The following DNAI4 variants were observed in gnomAD, a reference collection of about 807,000 sequenced individuals.
The protein encoded by DNAI4 is dynein axonemal intermediate chain 4.
Under a neutral mutation model 105.8 loss-of-function variants are expected in DNAI4, and 85 were observed. That is an observed-to-expected ratio of 0.80 (90% CI 0.67 to 0.96). DNAI4 has a LOEUF of 0.96. Ranked by LOEUF, DNAI4 falls within the 40% of genes least tolerant of loss-of-function variation. The pLI is 0.00. For synonymous variants in DNAI4, 352 were observed against 331.5 expected (o/e 1.06, Z -0.67); for missense variants, 1,014 against 1,005.6 (o/e 1.01, Z -0.11).
chr1:66,820,695 T>C (rs1286022048), intron 16 of DNAI4, among the ~76,000 whole-genome samples: 1 of 152,164 alleles, frequency 6.6e-6, no homozygotes, highest in African/African-American at 2.4e-5. Flanking sequence ...CAATTTTAAA[T>C]AAGATGATCA....
chr1:66,922,430 G>A (rs868303995), intron 1 of DNAI4, among the ~76,000 whole-genome samples: 1 of 152,224 alleles, frequency 6.6e-6, no homozygotes, highest in African/African-American at 2.4e-5. Context: ...TGTGTCTGAT[G>A]TGTTGTGGGA....
At chr1:66,908,554 GC>G (rs1349551663) in intron 1 of DNAI4, among the ~76,000 whole-genome samples, 2 of 152,146 alleles carry the variant, frequency 1.3e-5, no homozygotes, top group Admixed American at 6.5e-5. Flanking sequence ...GGTGTGGTGG[GC>G]CCCCTCTTCC....
intron 16 of DNAI4, among the ~76,000 whole-genome samples, chr1:66,820,674 AGTAGAGGTT>A (rs564882918): frequency 5.3e-4 from 81 of 152,298 alleles, no homozygotes; most frequent in African/African-American, 1.9e-3. Flanking sequence ...TGTGAAAGAT[AGTAGAGGTT>A]GCAATTTTAA....
intron 15 of DNAI4, among the ~76,000 whole-genome samples, chr1:66,823,206 A>G (rs545859483): frequency 1.4e-5 from 2 of 141,058 alleles, no homozygotes; most frequent in East Asian, 2.0e-4. Context: ...ATGATTTCCA[A>G]TTTCATCCAT....
intron 3 of DNAI4, among the ~76,000 whole-genome samples, chr1:66,892,916 AAGAAAGAG>A (rs1202054021): frequency 8.3e-5 from 12 of 145,190 alleles, no homozygotes; most frequent in African/African-American, 2.3e-4. Flanking sequence ...TCAAAAAAGA[AAGAAAGAG>A]AGAAAGAGAA....
intron 11 of DNAI4, among the ~76,000 whole-genome samples, chr1:66,835,089 C>A (rs995246001): frequency 6.6e-6 from 1 of 152,048 alleles, no homozygotes. Flanking sequence ...TCATCAAACA[C>A]TTACTGGACT....
intron 16 of DNAI4, among the ~76,000 whole-genome samples, chr1:66,819,220 G>A (rs184609478): frequency 3.3e-5 from 5 of 151,952 alleles, no homozygotes; most frequent in African/African-American, 9.7e-5. Flanking sequence ...ATCTTTGCTC[G>A]AGATTTTCCC....
chr1:66,827,383 G>C (rs1645777278), intron 14 of DNAI4, among the ~76,000 whole-genome samples: 1 of 152,108 alleles, frequency 6.6e-6, no homozygotes, highest in South Asian at 2.1e-4. Flanking sequence ...AGGTGCAGTG[G>C]TGTTTGCCTG....
chr1:66,864,602 A>C (rs1275662244), intron 6 of DNAI4, among the ~76,000 whole-genome samples: 1 of 152,232 alleles, frequency 6.6e-6, no homozygotes, highest in Non-Finnish European at 1.5e-5. Context: ...CTGTAATCCC[A>C]GCACTTTGGG....
chr1:66,890,932 C>T lies in DNAI4; in HGVS notation c.643+222G>A, dbSNP rs1193066650. 6 of 563,902 alleles carry T rather than the reference C, an allele frequency of 1.1e-5. No homozygotes were observed. The highest frequency in any genetic ancestry group is 1.9e-5 in the Non-Finnish European group (6 of 317,034). 34.9% of individuals were successfully genotyped at this position (563,902 alleles called of 1,614,324 possible). On this transcript the variant is annotated intron_variant, in intron 4 of 16. Coordinates refer to ENST00000371026, the MANE Select transcript of DNAI4 (RefSeq NM_024763.5). The surrounding 1 kb of genome is among the most constrained non-coding windows in gnomAD (Gnocchi z 4.1). ...CAGCAGCAGAAGCAGCAGCTGAGCTCTAACACAAAGCGCCATTGGTTCCTC... is the reference window on the plus strand; with the variant it reads ...CAGCAGCAGAAGCAGCAGCTGAGCTTTAACACAAAGCGCCATTGGTTCCTC...
Position 66,874,947 on chromosome 1 carries a change from A to C in DNAI4, c.644-10T>G. On this transcript the variant is annotated splice_polypyrimidine_tract_variant and intron_variant, in intron 4 of 16. Coordinates refer to ENST00000371026, the MANE Select transcript of DNAI4 (RefSeq NM_024763.5). ...CTTATAACTTGCAAATCTAAAATAC[A>C]TGACTTAATTAAAATCATTTACTAA... The C allele has an allele frequency of 1.3e-6, 2 of 1,582,876 alleles. No homozygotes were observed. Among genetic ancestry groups the C allele is most frequent in the Non-Finnish European group, 1.7e-6 (2 of 1,170,590 alleles).
chr1:66,852,448 C>T (rs1325831300), intron 7 of DNAI4, among the ~76,000 whole-genome samples: 2 of 151,874 alleles, frequency 1.3e-5, no homozygotes, highest in Non-Finnish European at 2.9e-5. Flanking sequence ...CTCTCATCAA[C>T]ATCAACATAA....
Position 66,905,303 on chromosome 1 carries a change from A to G in DNAI4, c.243T>C (p.Tyr81=), listed in dbSNP as rs1185036991. 1.9e-6 allele frequency: 3 copies of G among 1,550,558 alleles called. No individual in the cohort carries two copies. In the East Asian group the frequency reaches 6.8e-5, roughly 35 times the overall value. Residue 81 remains tyrosine (Y), a synonymous_variant, in exon 2 of 17, where the codon TAT becomes TAC. Transcript: ENST00000371026. Reference sequence around the variant, plus strand: ...CCATTCTGCTTTGATTTGCACCAGTATATCCTTTCACTGAAGTTGCTTTCA... The same window carrying G: ...CCATTCTGCTTTGATTTGCACCAGTGTATCCTTTCACTGAAGTTGCTTTCA... ...ATMKATSVKG[Y]TGANQSRMAV...
intron 7 of DNAI4, among the ~76,000 whole-genome samples, chr1:66,851,250 T>C (rs1205946891): frequency 2.6e-5 from 4 of 151,814 alleles, no homozygotes; most frequent in South Asian, 2.1e-4. Context: ...ACCAGGGATA[T>C]ATAGCAACAT....
intron 5 of DNAI4, among the ~76,000 whole-genome samples, chr1:66,872,024 C>G (rs1369349294): frequency 1.3e-5 from 2 of 151,978 alleles, no homozygotes; most frequent in Non-Finnish European, 2.9e-5. Context: ...AGAATGTGTT[C>G]TCTAATTGTT....
intron 7 of DNAI4, among the ~76,000 whole-genome samples, chr1:66,850,855 C>T (rs186431152): frequency 6.6e-6 from 1 of 151,764 alleles, no homozygotes. Context: ...AAACTCAAAA[C>T]ACTACAGGTA....
chr1:66,877,298 G>C (rs1646977888), intron 4 of DNAI4, among the ~76,000 whole-genome samples: 1 of 152,110 alleles, frequency 6.6e-6, no homozygotes, highest in Admixed American at 6.6e-5. Context: ...GACAACCTGT[G>C]CATGAGATGC....
chr1:66,922,753 G>T (rs1650587298), intron 1 of DNAI4, among the ~76,000 whole-genome samples: 1 of 152,146 alleles, frequency 6.6e-6, no homozygotes, highest in South Asian at 2.1e-4. Flanking sequence ...TGAAAGAGTG[G>T]AATTTGCCAT....
At chr1:66,885,761 T>C (rs1349078745) in intron 4 of DNAI4, among the ~76,000 whole-genome samples, 2 of 152,218 alleles carry the variant, frequency 1.3e-5, no homozygotes, top group South Asian at 2.1e-4. Context: ...TAAGATTTTT[T>C]TCCTTCTGGC....
Sources: gnomAD v4.1 joint callset for allele counts (sites outside exome capture counted in the v4.1 genomes callset) on GRCh38, gnomAD v4.1.1 for gene constraint, Gnocchi (gnomAD v3.1) non-coding constraint, MANE v1.5 for transcripts, NCBI Gene and HGNC (gene_info 2026-07-23, HGNC 2026-07-21) for gene names.